NRG3: variants seen among roughly 807,000 people sequenced by gnomAD.
NRG3 encodes neuregulin 3.
A neutral mutation model predicts 66.9 loss-of-function variants in NRG3; 31 were observed. That is an observed-to-expected ratio of 0.46 (90% CI 0.35 to 0.63). The LOEUF (loss-of-function observed/expected upper bound fraction) is 0.63. Among genes scored for constraint, NRG3 ranks in the 20% least tolerant of loss-of-function variants. The probability of loss-of-function intolerance (pLI) is 0.00; values close to 1 mark genes in which losing one functional copy is unlikely to be tolerated. For missense variants in NRG3, 910 were observed against 878.9 expected (o/e 1.04, Z -0.45); for synonymous variants, 393 against 359.4 (o/e 1.09, Z -1.06).
At chr10:82,308,261 A>AT (rs945674176) in intron 1 of NRG3, among the ~76,000 whole-genome samples, 2 of 152,016 alleles carry the variant, frequency 1.3e-5, no homozygotes, top group African/African-American at 4.8e-5. Flanking sequence ...TAAGTATTGT[A>AT]TTTTTAGTTA....
At chr10:82,699,281 AAGGGAGGC>A (rs1188776179) in intron 2 of NRG3, among the ~76,000 whole-genome samples, 2 of 145,924 alleles carry the variant, frequency 1.4e-5, no homozygotes, top group Non-Finnish European at 3.0e-5. Context: ...GGAAGGAAGC[AAGGGAGGC>A]AGGGAGGGAG....
At chr10:82,764,635 A>C (rs2059450549) in intron 3 of NRG3, among the ~76,000 whole-genome samples, 1 of 151,364 alleles carries the variant, frequency 6.6e-6, no homozygotes, top group African/African-American at 2.4e-5. Flanking sequence ...AGTGCTCCCA[A>C]AGTACTCCCA....
intron 1 of NRG3, among the ~76,000 whole-genome samples, chr10:81,948,315 T>C (rs962248457): frequency 7.2e-5 from 11 of 152,018 alleles, no homozygotes; most frequent in African/African-American, 2.7e-4. Flanking sequence ...CTCACCAGAG[T>C]GGTTCATTTG....
chr10:81,962,244 A>G (rs1304929996), intron 1 of NRG3, among the ~76,000 whole-genome samples: 1 of 152,218 alleles, frequency 6.6e-6, no homozygotes, highest in Non-Finnish European at 1.5e-5. Context: ...TGTGGAGCTT[A>G]ATACCCACTT....
At chr10:82,374,387 C>T (rs1168545178) in intron 2 of NRG3, among the ~76,000 whole-genome samples, 2 of 152,174 alleles carry the variant, frequency 1.3e-5, no homozygotes, top group Non-Finnish European at 2.9e-5. Flanking sequence ...CTAAAGCTCT[C>T]GATCCTCCAA....
intron 2 of NRG3, among the ~76,000 whole-genome samples, chr10:82,646,449 A>G (rs2050937938): frequency 6.6e-6 from 1 of 152,192 alleles, no homozygotes; most frequent in Admixed American, 6.5e-5. Context: ...GTCACCTGTC[A>G]CGTGTGGTTT....
chr10:82,444,359 T>C (rs1328663948), intron 2 of NRG3, among the ~76,000 whole-genome samples: 1 of 152,096 alleles, frequency 6.6e-6, no homozygotes, highest in Non-Finnish European at 1.5e-5. Flanking sequence ...CACCTTGGCC[T>C]CCCAAAGTGC....
At chr10:81,950,066 G>T (rs1849203916) in intron 1 of NRG3, among the ~76,000 whole-genome samples, 1 of 152,162 alleles carries the variant, frequency 6.6e-6, no homozygotes, top group African/African-American at 2.4e-5. Flanking sequence ...TATATGATTT[G>T]CATAGAGGTT....
intron 1 of NRG3, among the ~76,000 whole-genome samples, chr10:81,889,873 T>G (rs1842887850): frequency 6.6e-6 from 1 of 152,204 alleles, no homozygotes; most frequent in Non-Finnish European, 1.5e-5. Flanking sequence ...AAAATGAGCA[T>G]CAAATCCAAA....
At chr10:82,418,095 G>A (rs768619035) in intron 2 of NRG3, among the ~76,000 whole-genome samples, 2 of 152,298 alleles carry the variant, frequency 1.3e-5, no homozygotes, top group East Asian at 3.9e-4. Context: ...GGCCAAATGT[G>A]CCATGCTGCA....
At chr10:82,728,851 A>C (rs1002229136) in intron 2 of NRG3, among the ~76,000 whole-genome samples, 16 of 152,200 alleles carry the variant, frequency 1.1e-4, no homozygotes, top group Admixed American at 5.2e-4. Flanking sequence ...TATTAAAGGC[A>C]CTGATGGGAA....
At chr10:82,803,161 G>A (rs2135449119) in intron 3 of NRG3, among the ~76,000 whole-genome samples, 1 of 152,272 alleles carries the variant, frequency 6.6e-6, no homozygotes, top group Non-Finnish European at 1.5e-5. Context: ...TATACTTCCT[G>A]TAGATGATCC....
chr10:82,811,852 A>C lies in NRG3; in HGVS notation c.1028-53559A>C, dbSNP rs183138185. 2.3e-4 allele frequency among the ~76,000 whole-genome samples: 35 copies of C among 152,332 alleles called. 1 individual carries two copies. Among genetic ancestry groups the C allele is most frequent in the Admixed American group, 1.8e-3 (27 of 15,296 alleles). On this transcript the variant is annotated intron_variant, in intron 3 of 8. Coordinates refer to ENST00000372141, the MANE Select transcript of NRG3 (RefSeq NM_001010848.4). ...TGAAATTTTCAGAGTTGGATTGCCC[A>C]GTCTGTCTTAATCCATACTTCAGGG...
intron 2 of NRG3, among the ~76,000 whole-genome samples, chr10:82,520,545 G>A (rs1590455357): frequency 6.6e-6 from 1 of 152,202 alleles, no homozygotes; most frequent in East Asian, 1.9e-4. Context: ...TTGTCTGTCT[G>A]TATAACTTGC....
chr10:82,405,456 T>A (rs2087440233), intron 2 of NRG3, among the ~76,000 whole-genome samples: 1 of 148,440 alleles, frequency 6.7e-6, no homozygotes, highest in Non-Finnish European at 1.5e-5. Context: ...TCTCAGTAGT[T>A]TGTTTTTTTT....
intron 1 of NRG3, among the ~76,000 whole-genome samples, chr10:82,008,866 C>G (rs989824083): frequency 6.6e-6 from 1 of 152,132 alleles, no homozygotes; most frequent in African/African-American, 2.4e-5. Flanking sequence ...TTTTAATACA[C>G]CCTTTCAGCC....
intron 3 of NRG3, among the ~76,000 whole-genome samples, chr10:82,797,724 T>G (rs1409578331): frequency 6.6e-6 from 1 of 152,168 alleles, no homozygotes; most frequent in East Asian, 1.9e-4. Flanking sequence ...CTGACTTCAT[T>G]TTGTCTCATC....
rs1024654606 is a variant in NRG3 at position 82,601,797 on chromosome 10, G to C, written c.954-136780G>C. Among the ~76,000 whole-genome samples, 23 of 148,570 alleles carry C rather than the reference G, an allele frequency of 1.5e-4. 1 individual carries two copies. In the East Asian group the frequency reaches 4.4e-3, roughly 29 times the overall value. ...GGTCGAGGCGGAAGGATCACTTGAA[G>C]TCAGGAGTTTCAGACCAGCCTGGGC... On this transcript the variant is annotated intron_variant, in intron 2 of 8. Transcript: ENST00000372141.
chr10:81,997,326 G>A (rs956786396), intron 1 of NRG3, among the ~76,000 whole-genome samples: 5 of 152,264 alleles, frequency 3.3e-5, no homozygotes, highest in Admixed American at 2.0e-4. Context: ...TCTGCCCTCC[G>A]TGCCTGTGCA....
Sources: allele counts gnomAD v4.1 joint callset (sites outside exome capture counted in the v4.1 genomes callset), GRCh38; gene constraint gnomAD v4.1.1; transcripts MANE v1.5; gene names NCBI Gene and HGNC (gene_info 2026-07-23, HGNC 2026-07-21).